Variants in CSMD1 observed in about 807,000 individuals in gnomAD.
The protein encoded by CSMD1 is CUB and sushi domain-containing protein 1.
CSMD1 carries 213 observed loss-of-function variants against 417.5 expected under a neutral mutation model. The observed-to-expected ratio is 0.51, with a 90% CI of 0.46 to 0.57. The LOEUF (loss-of-function observed/expected upper bound fraction) is 0.57. CSMD1 is among the 20% of genes least tolerant of loss of function. CSMD1 has a pLI of 0.00. For synonymous variants in CSMD1, 2,862 were observed against 1,736.8 expected (o/e 1.65, Z -16.11); for missense variants, 6,923 against 4,529.7 (o/e 1.53, Z -15.17).
chr8:4,013,961 T>C (rs1294919393), intron 4 of CSMD1, among the ~76,000 whole-genome samples: 3 of 152,218 alleles, frequency 2.0e-5, no homozygotes, highest in Non-Finnish European at 2.9e-5. Context: ...TGTAATACTT[T>C]GCAGGTCCTC....
chr8:4,086,394 C>G (rs576618200), intron 3 of CSMD1, among the ~76,000 whole-genome samples: 1 of 152,174 alleles, frequency 6.6e-6, no homozygotes, highest in East Asian at 1.9e-4. Flanking sequence ...TCAGTACAGG[C>G]AGACAGACTT....
In CSMD1 at chr8:3,924,112, G is replaced by T. The variant is rs191279237; in HGVS notation, c.818+73791C>A. On this transcript the variant is annotated intron_variant, in intron 5 of 69. Coordinates refer to ENST00000635120, the MANE Select transcript of CSMD1 (RefSeq NM_033225.6). ...ATGAAATTTCTCAGCTCTTGTTGAT[G>T]CGGGAAAATCTGTATCTCTCCATTT... is the stretch of plus-strand genomic sequence containing the variant. Among the ~76,000 whole-genome samples the T allele has an allele frequency of 4.3e-4, 66 of 152,248 alleles. 1 individual carries two copies. The Middle Eastern group carries it at 0.024, about 55-fold the overall frequency.
At chr8:4,247,713 C>T (rs1263387187) in intron 3 of CSMD1, among the ~76,000 whole-genome samples, 2 of 152,092 alleles carry the variant, frequency 1.3e-5, no homozygotes, top group Non-Finnish European at 2.9e-5. Flanking sequence ...GGTACACATA[C>T]TATAACGCCC....
chr8:4,087,383 C>A (rs758156291), intron 3 of CSMD1, among the ~76,000 whole-genome samples: 2 of 152,216 alleles, frequency 1.3e-5, no homozygotes, highest in African/African-American at 4.8e-5. Context: ...CATGACCTAA[C>A]ACACATAGCT....
rs12334931 is a variant in CSMD1 at position 4,931,782 on chromosome 8, G to A, written c.85+62550C>T. 3.4e-4 allele frequency among the ~76,000 whole-genome samples: 51 copies of A among 152,152 alleles called. 1 individual carries two copies. The highest frequency in any genetic ancestry group is 1.5e-3 in the Admixed American group (23 of 15,298). ...GAATGGCTACCACAGAAAGGGTGGT[G>A]AGGCTCAGAAAGACATTTGCAAACA... On this transcript the variant is annotated intron_variant, in intron 1 of 69. Coordinates refer to ENST00000635120, the MANE Select transcript of CSMD1 (RefSeq NM_033225.6).
chr8:3,378,997 C>T (rs901570333), intron 18 of CSMD1, among the ~76,000 whole-genome samples: 2 of 152,076 alleles, frequency 1.3e-5, no homozygotes, highest in Non-Finnish European at 2.9e-5. Context: ...TTTAGAAAAC[C>T]CCATTTTCTC....
At chr8:4,330,632 A>T (rs1386843593) in intron 3 of CSMD1, among the ~76,000 whole-genome samples, 1 of 151,932 alleles carries the variant, frequency 6.6e-6, no homozygotes, top group African/African-American at 2.4e-5. Flanking sequence ...AAATCTAATC[A>T]TATTTTATTT....
intron 5 of CSMD1, among the ~76,000 whole-genome samples, chr8:3,777,765 T>C: frequency 1.1e-5 from 1 of 93,044 alleles, no homozygotes; most frequent in African/African-American, 5.5e-5. Flanking sequence ...GTGCAGAGTC[T>C]CAGTTCCCAC....
At chr8:3,926,201 G>A (rs567287511) in intron 5 of CSMD1, among the ~76,000 whole-genome samples, 37 of 151,864 alleles carry the variant, frequency 2.4e-4, no homozygotes, top group African/African-American at 8.9e-4. Flanking sequence ...ATGATTTTAA[G>A]TACTAATAAC....
At chr8:4,197,855 G>C (rs1026122477) in intron 3 of CSMD1, among the ~76,000 whole-genome samples, 1 of 152,006 alleles carries the variant, frequency 6.6e-6, no homozygotes, top group Non-Finnish European at 1.5e-5. Flanking sequence ...CTCCAGCCTG[G>C]GCAACAGAGT....
At chr8:4,796,678 G>C (rs577389929) in intron 1 of CSMD1, among the ~76,000 whole-genome samples, 3 of 152,264 alleles carry the variant, frequency 2.0e-5, no homozygotes, top group African/African-American at 4.8e-5. Context: ...CCAACTCAAC[G>C]TGGTGGACTC....
At chr8:3,042,086 C>T (rs1210273076) in intron 50 of CSMD1, among the ~76,000 whole-genome samples, 1 of 152,150 alleles carries the variant, frequency 6.6e-6, no homozygotes, top group African/African-American at 2.4e-5. Context: ...TTTCCAGCAC[C>T]TGCCAACTCT....
In CSMD1 at chr8:3,512,271, C is replaced by A. The variant is rs373788369; in HGVS notation, c.1345-18545G>T. ...CTGCATTCTCATCTTCAGGGATGGA[C>A]TGGAAGCATTCTTGAAGATGCAGTG... On this transcript the variant is annotated intron_variant, in intron 10 of 69. Coordinates refer to ENST00000635120, the MANE Select transcript of CSMD1 (RefSeq NM_033225.6). Among the ~76,000 whole-genome samples the A allele has an allele frequency of 9.2e-5, 14 of 152,346 alleles. No individual in the cohort carries two copies. The East Asian group carries it at 9.7e-4, about 11-fold the overall frequency.
At chr8:4,293,172 A>T (rs535294739) in intron 3 of CSMD1, among the ~76,000 whole-genome samples, 1 of 152,034 alleles carries the variant, frequency 6.6e-6, no homozygotes, top group Non-Finnish European at 1.5e-5. Context: ...TACTCTGAGG[A>T]CTGAACCTCC....
rs146385709 is a variant in CSMD1, at chr8:4,682,011, T to C, written c.86-44453A>G. 2.4e-3 allele frequency among the ~76,000 whole-genome samples: 358 copies of C among 152,264 alleles called. 3 individuals carry two copies. Among genetic ancestry groups the C allele is most frequent in the African/African-American group, 8.1e-3 (335 of 41,564 alleles). On this transcript the variant is annotated intron_variant, in intron 1 of 69. Transcript: ENST00000635120. ...CGCTTGAAAGGTTTATGTCATTTTA[T>C]TGGATAAATTTGTTGTTGTTATTTT... is the stretch of plus-strand genomic sequence containing the variant.
chr8:4,516,232 C>T (rs1803116051), intron 2 of CSMD1, among the ~76,000 whole-genome samples: 2 of 152,048 alleles, frequency 1.3e-5, no homozygotes, highest in Admixed American at 6.6e-5. Context: ...CACGTGAGGA[C>T]CCAGAGAGAA....
intron 3 of CSMD1, among the ~76,000 whole-genome samples, chr8:4,075,325 C>T (rs1444523407): frequency 6.6e-6 from 1 of 151,908 alleles, no homozygotes; most frequent in Non-Finnish European, 1.5e-5. Context: ...ATACCTTCAC[C>T]TAAGAGAATA....
intron 3 of CSMD1, among the ~76,000 whole-genome samples, chr8:4,216,093 C>A (rs1048934012): frequency 6.6e-6 from 1 of 152,198 alleles, no homozygotes; most frequent in African/African-American, 2.4e-5. Flanking sequence ...TATTTCTTGG[C>A]ATGCAGTCCT....
intron 10 of CSMD1, among the ~76,000 whole-genome samples, chr8:3,534,976 C>G (rs1006522334): frequency 1.8e-4 from 28 of 152,268 alleles, no homozygotes; most frequent in African/African-American, 6.5e-4. Context: ...TTGACAGCAT[C>G]TGGCTTTGTC....
Sources: gnomAD v4.1 joint callset for allele counts (sites outside exome capture counted in the v4.1 genomes callset) on GRCh38, gnomAD v4.1.1 for gene constraint, MANE v1.5 for transcripts, NCBI Gene and HGNC (gene_info 2026-07-23, HGNC 2026-07-21) for gene names.